ZNF385D: variants seen among roughly 807,000 people sequenced by gnomAD.
ZNF385D encodes zinc finger protein 659.
ZNF385D carries 15 observed loss-of-function variants against 35.8 expected under a neutral mutation model. The observed-to-expected ratio is 0.42, with a 90% CI of 0.28 to 0.64. The LOEUF (loss-of-function observed/expected upper bound fraction) is 0.64, where lower values mean the gene tolerates loss of function less well. ZNF385D is among the 30% of genes least tolerant of loss of function. The pLI, the probability that ZNF385D is intolerant of heterozygous loss-of-function variation, is 0.23. For missense variants in ZNF385D, 474 were observed against 494.6 expected (o/e 0.96, Z 0.39); for synonymous variants, 212 against 186.8 (o/e 1.13, Z -1.10).
At chr3:22,347,292 T>C (rs1695702381) in intron 2 of ZNF385D, among the ~76,000 whole-genome samples, 1 of 152,170 alleles carries the variant, frequency 6.6e-6, no homozygotes, top group Non-Finnish European at 1.5e-5. Flanking sequence ...TAAGAAAATA[T>C]TTTGTTGGTA....
At chr3:21,713,707 C>G (rs1193910247) in intron 1 of ZNF385D, among the ~76,000 whole-genome samples, 1 of 152,170 alleles carries the variant, frequency 6.6e-6, no homozygotes, top group African/African-American at 2.4e-5. Context: ...ACTGGAGTAT[C>G]TGATCCTTAG....
At chr3:21,967,015 CACAT>C (rs1282777333) in intron 3 of ZNF385D, among the ~76,000 whole-genome samples, 1 of 152,086 alleles carries the variant, frequency 6.6e-6, no homozygotes, top group African/African-American at 2.4e-5. Flanking sequence ...TAAAAGAACA[CACAT>C]AAATTAAAAT....
intron 3 of ZNF385D, among the ~76,000 whole-genome samples, chr3:22,142,500 ATT>A (rs781190077): frequency 1.6e-4 from 25 of 152,282 alleles, no homozygotes; most frequent in Non-Finnish European, 3.1e-4. Flanking sequence ...TATAAAATCA[ATT>A]TGTTTGTATA....
intron 2 of ZNF385D, among the ~76,000 whole-genome samples, chr3:22,171,633 T>C (rs929901595): frequency 2.0e-5 from 3 of 152,004 alleles, no homozygotes; most frequent in African/African-American, 7.2e-5. Flanking sequence ...TCCCAGCACT[T>C]TGGGAGGCCG....
At chr3:21,921,789 G>C (rs78040157) in intron 3 of ZNF385D, among the ~76,000 whole-genome samples, 80,042 of 149,532 alleles carry the variant, frequency 0.54, 23,359 homozygotes, top group South Asian at 0.66. Context: ...ATTGAATCAA[G>C]AAGAATTTGA....
At chr3:21,511,150 G>GAATT in intron 3 of ZNF385D, 127 bp from the exon 4 acceptor site, 1 of 1,141,844 alleles carries the variant, frequency 8.8e-7, no homozygotes, top group Non-Finnish European at 1.2e-6. Context: ...GCCGTGGCCA[G>GAATT]ACAGTGGGGT....
In ZNF385D at chr3:22,196,580, T is replaced by A. The variant is rs573944649; in HGVS notation, c.107-27545A>T. On this transcript the variant is annotated intron_variant, in intron 2 of 5. Coordinates refer to the ZNF385D transcript ENST00000494108. ...TGGTTTATTATTATTTTATTTCTTA[T>A]CCCAGAGATTACAATATCTTTCCTC... Among the ~76,000 whole-genome samples, 3 of 152,118 alleles carry A rather than the reference T, an allele frequency of 2.0e-5. No individual in the cohort carries two copies. In the South Asian group the frequency reaches 6.2e-4, roughly 32 times the overall value.
chr3:22,238,981 C>T (rs767454973), intron 2 of ZNF385D, among the ~76,000 whole-genome samples: 5 of 150,474 alleles, frequency 3.3e-5, no homozygotes, highest in Non-Finnish European at 5.9e-5. Flanking sequence ...CCTGTCTCGG[C>T]GGCCTTAAGT....
chr3:21,799,635 C>A (rs1023323617), intron 3 of ZNF385D, among the ~76,000 whole-genome samples: 1 of 152,014 alleles, frequency 6.6e-6, no homozygotes. Flanking sequence ...CTTTTGTCAT[C>A]GAGTTCTAAG....
chr3:21,988,698 C>T (rs1281593305), intron 3 of ZNF385D, among the ~76,000 whole-genome samples: 8 of 151,530 alleles, frequency 5.3e-5, no homozygotes, highest in African/African-American at 1.7e-4. Flanking sequence ...GGGCTCCACC[C>T]AGTTGGAGCT....
At position 21,827,321 on chromosome 3, in the gene ZNF385D, T is replaced by A. The variant is rs1430878226; in HGVS notation, c.326-162293A>T. On this transcript the variant is annotated intron_variant, in intron 3 of 5. Transcript: ENST00000494108. ...CATCTTTAATACAGTTATGGACAAGTATTCATAAACACATACACACATATA... is the reference window on the plus strand; with the variant it reads ...CATCTTTAATACAGTTATGGACAAGAATTCATAAACACATACACACATATA... 3.9e-4 allele frequency among the ~76,000 whole-genome samples: 60 copies of A among 152,162 alleles called. 1 individual carries two copies. The highest frequency in any genetic ancestry group is 8.8e-5 in the Non-Finnish European group (6 of 68,030).
chr3:21,616,624 A>T (rs3899299), intron 2 of ZNF385D, among the ~76,000 whole-genome samples: 7,063 of 152,188 alleles, frequency 0.046, 580 homozygotes, highest in African/African-American at 0.16. Context: ...TTTTATAATT[A>T]AAAAAAAGAT....
chr3:21,851,015 C>A (rs568927390), intron 3 of ZNF385D, among the ~76,000 whole-genome samples: 1 of 151,344 alleles, frequency 6.6e-6, no homozygotes, highest in South Asian at 2.1e-4. Context: ...CATAACTAGG[C>A]AATAAAAACA....
At chr3:21,483,155 A>G (rs1248808383) in intron 4 of ZNF385D, among the ~76,000 whole-genome samples, 1 of 152,146 alleles carries the variant, frequency 6.6e-6, no homozygotes, top group East Asian at 1.9e-4. Flanking sequence ...TTAAAGTCAT[A>G]GCTTACCTCC....
At chr3:21,889,338 G>A (rs993459230) in intron 3 of ZNF385D, among the ~76,000 whole-genome samples, 2 of 152,168 alleles carry the variant, frequency 1.3e-5, no homozygotes, top group Non-Finnish European at 2.9e-5. Context: ...TGCAAGATGG[G>A]GGAGGTGAGG....
At chr3:21,454,756 A>T (rs572875653) in intron 4 of ZNF385D, among the ~76,000 whole-genome samples, 1 of 152,186 alleles carries the variant, frequency 6.6e-6, no homozygotes, top group Non-Finnish European at 1.5e-5. Flanking sequence ...AGGCAGGAGA[A>T]AGAAATAAAG....
intron 2 of ZNF385D, among the ~76,000 whole-genome samples, chr3:22,218,275 T>C (rs1295844179): frequency 6.6e-6 from 1 of 152,136 alleles, no homozygotes; most frequent in Non-Finnish European, 1.5e-5. Context: ...AGCCATCTTA[T>C]TCACCTTTGA....
intron 2 of ZNF385D, among the ~76,000 whole-genome samples, chr3:22,348,113 A>G (rs1243278161): frequency 6.6e-6 from 1 of 152,148 alleles, no homozygotes; most frequent in Non-Finnish European, 1.5e-5. Flanking sequence ...CAAGGAGCCT[A>G]TATTAATAGG....
chr3:21,819,200 G>T (rs1267143074), intron 3 of ZNF385D, among the ~76,000 whole-genome samples: 1 of 151,576 alleles, frequency 6.6e-6, no homozygotes, highest in African/African-American at 2.4e-5. Context: ...AAAGAAAAAA[G>T]AAACATAAAG....
Sources: allele counts gnomAD v4.1 joint callset (sites outside exome capture counted in the v4.1 genomes callset), GRCh38; gene constraint gnomAD v4.1.1; transcripts MANE v1.5; gene names NCBI Gene and HGNC (gene_info 2026-07-23, HGNC 2026-07-21).